The following MKKS variants were observed in gnomAD, a reference collection of about 807,000 sequenced individuals.
MKKS encodes MKKS centrosomal shuttling protein.
A neutral mutation model predicts 33.2 loss-of-function variants in MKKS; 29 were observed. The ratio of observed to expected loss-of-function variants is 0.87; its 90% confidence interval spans 0.65 to 1.19. The LOEUF (loss-of-function observed/expected upper bound fraction) is 1.19. Ranked by LOEUF, MKKS falls within the 50% of genes most tolerant of loss-of-function variation. MKKS has a pLI of 0.00. For missense variants in MKKS, 661 were observed against 662.3 expected, an observed-to-expected ratio of 1.00 and a Z score of 0.02; for synonymous variants, 260 against 244.0, an observed-to-expected ratio of 1.07 and a Z score of -0.61.
intron 3 of MKKS, among the ~76,000 whole-genome samples, chr20:10,411,228 C>T (rs938515350): frequency 2.6e-5 from 4 of 151,750 alleles, no homozygotes; most frequent in Non-Finnish European, 5.9e-5. Flanking sequence ...CCTTGTGATC[C>T]GCTCACCTTG....
chr20:10,407,402 CAA>C (rs2064850668), intron 5 of MKKS, among the ~76,000 whole-genome samples: 1 of 152,178 alleles, frequency 6.6e-6, no homozygotes, highest in Non-Finnish European at 1.5e-5. Context: ...TTATTTCCCT[CAA>C]GTGTTTTTGA....
chr20:10,426,241 C>CA (rs2065013682), intron 1 of MKKS, among the ~76,000 whole-genome samples: 1 of 152,206 alleles, frequency 6.6e-6, no homozygotes, highest in South Asian at 2.1e-4. Flanking sequence ...GCCTAGTACT[C>CA]TACTAAGCAA....
rs550108706 is a variant in MKKS, at chr20:10,409,203, T to A, written c.986-400A>T. 2.0e-5 allele frequency among the ~76,000 whole-genome samples: 3 copies of A among 152,328 alleles called. No individual in the cohort carries two copies. In the East Asian group the frequency reaches 5.8e-4, roughly 29 times the overall value. ...TACGGGTGATGTGACAGGCTATTTT[T>A]TTTTAAAGGCATTATTATTTTCAAT... On this transcript the variant is annotated intron_variant, in intron 3 of 5. Transcript: ENST00000347364.
At chr20:10,406,597 T>C (rs951947754) in intron 5 of MKKS, among the ~76,000 whole-genome samples, 1 of 152,246 alleles carries the variant, frequency 6.6e-6, no homozygotes, top group Non-Finnish European at 1.5e-5. Flanking sequence ...TGTCTAATGA[T>C]GCATTTCTCA....
intron 1 of MKKS, among the ~76,000 whole-genome samples, chr20:10,432,720 C>T (rs1213993906): frequency 7.4e-6 from 1 of 135,092 alleles, no homozygotes; most frequent in African/African-American, 2.7e-5. Flanking sequence ...TGCTTGAACC[C>T]GGGAGGCGGA....
intron 1 of MKKS, among the ~76,000 whole-genome samples, chr20:10,429,313 T>C (rs2065037876): frequency 6.6e-6 from 1 of 152,208 alleles, no homozygotes; most frequent in Admixed American, 6.5e-5. Context: ...CTTAGTCTCC[T>C]TTAATAGCCT....
At position 10,408,686 on chromosome 20, in the gene MKKS, G is replaced by T; in HGVS notation, c.1103C>A (p.Ala368Glu). 6.2e-7 allele frequency: 1 copy of T among 1,614,002 alleles called. No homozygotes were observed. The highest frequency in any genetic ancestry group is 8.5e-7 in the Non-Finnish European group (1 of 1,179,978). Residue 368 changes from alanine (A) to glutamate (E), a missense_variant, in exon 4 of 6, where the codon GCA (alanine) becomes GAA (glutamate). Coordinates refer to ENST00000347364, the MANE Select transcript of MKKS (RefSeq NM_170784.3). ...GCAGAGAAGCAAGCTGCAGATTGTT[G>T]CTTCATTAGGAATAAGATGAAAAAA... ...KHFFHLIPNE[A>E]TICSLLLCNR... is the part of the protein sequence containing the mutation.
In MKKS at chr20:10,401,118, G is replaced by T. The variant is rs895864429; in HGVS notation, c.*4129C>A. On this transcript the variant is annotated 3_prime_UTR_variant, in exon 6 of 6. Coordinates refer to ENST00000347364, the MANE Select transcript of MKKS (RefSeq NM_170784.3). ...CCTCTAAATTCACACTTCATTACAG[G>T]TAATATAGTATTCTATGGATTTTAG... is the stretch of plus-strand genomic sequence containing the variant. 2 of 152,142 alleles carry T rather than the reference G, an allele frequency of 1.3e-5. No homozygotes were observed. Among genetic ancestry groups the T allele is most frequent in the Non-Finnish European group, 2.9e-5 (2 of 68,028 alleles). 9.4% of individuals were successfully genotyped at this position (152,142 alleles called of 1,614,324 possible).
intron 2 of MKKS, among the ~76,000 whole-genome samples, chr20:10,417,682 AAT>A (rs938672810): frequency 2.0e-5 from 3 of 152,210 alleles, no homozygotes; most frequent in African/African-American, 7.2e-5. Context: ...AAAAAAAAAA[AAT>A]CAACATCATC....
chr20:10,433,219 T>G (rs977764350), intron 1 of MKKS, among the ~76,000 whole-genome samples: 3 of 152,236 alleles, frequency 2.0e-5, no homozygotes, highest in Admixed American at 6.5e-5. Context: ...TTGGCCTGGC[T>G]GGCCCCAAAC....
chr20:10,408,549 A>G (rs1369780228), intron 4 of MKKS, 79 bp downstream of exon 4: 2 of 1,462,822 alleles, frequency 1.4e-6, no homozygotes, highest in Non-Finnish European at 9.5e-7. Context: ...GGAAGCTACG[A>G]AAAAAAAATC....
chr20:10,412,569 TTCTG>T lies in MKKS; in HGVS notation c.942_945del (p.Asp314GlufsTer4), dbSNP rs1201949741. ...AGGGGTTCCATCAGAGTCACTCCAA[TTCTG>T]TCTATGGCAATAATACGATGCATAT... On this transcript the variant is annotated frameshift_variant, in exon 3 of 6. Transcript: ENST00000347364. LOFTEE classifies it high-confidence loss of function. 3 of 1,613,996 alleles carry T rather than the reference TTCTG, an allele frequency of 1.9e-6. No homozygotes were observed. The African/African-American group carries it at 4.0e-5, about 22-fold the overall frequency.
chr20:10,414,652 G>T (rs1488702963), intron 2 of MKKS, among the ~76,000 whole-genome samples: 1 of 152,104 alleles, frequency 6.6e-6, no homozygotes, highest in Admixed American at 6.6e-5. Context: ...ATTGTGGTTT[G>T]CTTGGAAACT....
intron 2 of MKKS, among the ~76,000 whole-genome samples, chr20:10,418,607 C>CA (rs2064957676): frequency 6.6e-6 from 1 of 152,070 alleles, no homozygotes; most frequent in Non-Finnish European, 1.5e-5. Context: ...GCTGCACTGG[C>CA]ATCTAAAATC....
chr20:10,410,487 C>T (rs1371207548), intron 3 of MKKS, among the ~76,000 whole-genome samples: 2 of 152,032 alleles, frequency 1.3e-5, no homozygotes, highest in African/African-American at 2.4e-5. Context: ...AAAAACTAGC[C>T]AGGCGTGGTG....
At chr20:10,427,952 T>C (rs1489964281) in intron 1 of MKKS, among the ~76,000 whole-genome samples, 1 of 152,246 alleles carries the variant, frequency 6.6e-6, no homozygotes, top group Non-Finnish European at 1.5e-5. Flanking sequence ...GGAGTGGATC[T>C]GCAGTCAGAA....
chr20:10,431,662 G>T (rs2065054365), intron 1 of MKKS: 1 of 152,104 alleles, frequency 6.6e-6, no homozygotes, highest in African/African-American at 2.4e-5. Flanking sequence ...CTCTGAATTA[G>T]TCTCAATCCA....
intron 1 of MKKS, among the ~76,000 whole-genome samples, chr20:10,429,478 G>A (rs1433505929): frequency 6.6e-6 from 1 of 152,140 alleles, no homozygotes; most frequent in Non-Finnish European, 1.5e-5. Context: ...ATAATAAACT[G>A]CTACTGTACA....
Position 10,413,573 on chromosome 20 carries a change from T to C in MKKS, c.-59A>G. On this transcript the variant is annotated 5_prime_UTR_variant, in exon 3 of 6. Coordinates refer to ENST00000347364, the MANE Select transcript of MKKS (RefSeq NM_170784.3). ...TTATTTTGTAAACCACATTTTTCTA[T>C]TTATTGCATTATCACGTTTTAACAT... The C allele has an allele frequency of 6.4e-7, 1 of 1,550,496 alleles. No individual in the cohort carries two copies. Among genetic ancestry groups the C allele is most frequent in the Non-Finnish European group, 8.9e-7 (1 of 1,124,428 alleles).
Sources: allele counts gnomAD v4.1 joint callset (sites outside exome capture counted in the v4.1 genomes callset), GRCh38; gene constraint gnomAD v4.1.1; transcripts MANE v1.5; gene names NCBI Gene and HGNC (gene_info 2026-07-23, HGNC 2026-07-21).